The following RYR3 variants were observed in gnomAD, a reference collection of about 807,000 sequenced individuals.
RYR3 encodes brain ryanodine receptor-calcium release channel.
In RYR3, 207 loss-of-function variants were observed where a neutral mutation model predicts 584.3. The ratio of observed to expected loss-of-function variants is 0.35; its 90% confidence interval spans 0.32 to 0.40. The LOEUF is 0.40. Ranked by LOEUF, RYR3 falls within the 10% of genes least tolerant of loss-of-function variation. The pLI is 1.00. For synonymous variants in RYR3, 2,416 were observed against 2,248.5 expected, an observed-to-expected ratio of 1.07 and a Z score of -2.11; for missense variants, 5,616 against 6,089.2, an observed-to-expected ratio of 0.92 and a Z score of 2.59.
At chr15:33,763,087 C>T (rs928642874) in intron 60 of RYR3, among the ~76,000 whole-genome samples, 27 of 152,130 alleles carry the variant, frequency 1.8e-4, no homozygotes, top group African/African-American at 6.5e-4. Flanking sequence ...AAAAGTGGAC[C>T]CCTTCCTTAC....
chr15:33,425,742 T>A (rs184693141), intron 1 of RYR3, among the ~76,000 whole-genome samples: 1 of 150,768 alleles, frequency 6.6e-6, no homozygotes, highest in South Asian at 2.1e-4. Context: ...CCCGGGTTCA[T>A]GCCATTCTCC....
intron 80 of RYR3, among the ~76,000 whole-genome samples, chr15:33,821,981 C>T (rs1172568132): frequency 6.8e-6 from 1 of 147,154 alleles, no homozygotes; most frequent in Non-Finnish European, 1.5e-5. Context: ...TTAAGTGGAA[C>T]TGATAAACTC....
chr15:33,337,462 A>T (rs1384048770), intron 1 of RYR3, among the ~76,000 whole-genome samples: 1 of 152,248 alleles, frequency 6.6e-6, no homozygotes, highest in Admixed American at 6.5e-5. Context: ...AACAGTGGAT[A>T]TAGAAGAAAC....
rs547485012 is a variant in RYR3 at position 33,755,916 on chromosome 15, C to A, written c.8516-390C>A. Reference sequence around the variant, plus strand: ...TCCCAAGTAGCTGGAATTACAGGTGCCCACCACCACGCCTGCCTGGCTAAT... The same window carrying A: ...TCCCAAGTAGCTGGAATTACAGGTGACCACCACCACGCCTGCCTGGCTAAT... On this transcript the variant is annotated intron_variant, in intron 58 of 103. Transcript: ENST00000634891. Among the ~76,000 whole-genome samples the A allele has an allele frequency of 2.0e-5, 3 of 152,150 alleles. No homozygotes were observed. The South Asian group carries it at 6.2e-4, about 32-fold the overall frequency.
intron 95 of RYR3, 105 bp from the exon 96 acceptor site, chr15:33,853,450 C>T (rs1567327526): frequency 5.7e-6 from 8 of 1,392,040 alleles, no homozygotes; most frequent in Non-Finnish European, 7.7e-6. Context: ...TCATCTACCC[C>T]TTGGAAGATT....
intron 5 of RYR3, among the ~76,000 whole-genome samples, chr15:33,535,650 G>T (rs2141099993): frequency 6.6e-6 from 1 of 152,252 alleles, no homozygotes; most frequent in East Asian, 1.9e-4. Context: ...AAAATAACTT[G>T]ATACTTTTTG....
At chr15:33,739,631 G>T (rs1308760653) in intron 50 of RYR3, among the ~76,000 whole-genome samples, 1 of 106,332 alleles carries the variant, frequency 9.4e-6, no homozygotes, top group East Asian at 2.7e-4. Context: ...ATGGTGACTT[G>T]AGGATTTATA....
chr15:33,648,293 C>G (rs1300552223), intron 30 of RYR3, among the ~76,000 whole-genome samples: 10 of 152,162 alleles, frequency 6.6e-5, no homozygotes, highest in African/African-American at 2.4e-4. Context: ...AAGATTCAAG[C>G]CCAGGTTTGT....
intron 1 of RYR3, among the ~76,000 whole-genome samples, chr15:33,324,644 G>T (rs1969445273): frequency 6.6e-6 from 1 of 152,080 alleles, no homozygotes; most frequent in Admixed American, 6.5e-5. Flanking sequence ...TCTTTTCTTT[G>T]CTGTGTTCTT....
At chr15:33,432,668 TTGTGTG>T (rs58292418) in intron 1 of RYR3, among the ~76,000 whole-genome samples, 9 of 132,142 alleles carry the variant, frequency 6.8e-5, no homozygotes, top group South Asian at 5.1e-4. Flanking sequence ...GCCTAGCTAA[TTGTGTG>T]TGTGTGTGTG....
chr15:33,472,582 C>T (rs1478162247), intron 1 of RYR3, among the ~76,000 whole-genome samples: 2 of 152,156 alleles, frequency 1.3e-5, no homozygotes, highest in Non-Finnish European at 2.9e-5. Flanking sequence ...GACTAGGGAG[C>T]ATGGCCTGAC....
Position 33,354,937 on chromosome 15 carries a change from C to A in RYR3, c.51+43841C>A, listed in dbSNP as rs974845968. On this transcript the variant is annotated intron_variant, in intron 1 of 103. Coordinates refer to ENST00000634891, the MANE Select transcript of RYR3 (RefSeq NM_001036.6). ...GTGGCCTCATGCCTGTAATGCTAGCCCTTTGGGAGGCCGAGGCGGGCAGAT... is the reference window on the plus strand; with the variant it reads ...GTGGCCTCATGCCTGTAATGCTAGCACTTTGGGAGGCCGAGGCGGGCAGAT... Among the ~76,000 whole-genome samples the A allele has an allele frequency of 2.0e-5, 3 of 151,994 alleles. No homozygotes were observed. The East Asian group carries it at 5.8e-4, about 29-fold the overall frequency.
Position 33,586,016 on chromosome 15 carries a change from A to C in RYR3, c.1688A>C (p.His563Pro), listed in dbSNP as rs771548354. Reference sequence around the variant, plus strand: ...CATGTAGGTATCTTGGAAGTTTTGCACTGCATCTTAACTGAAAGCCCAGAA... The same window carrying C: ...CATGTAGGTATCTTGGAAGTTTTGCCCTGCATCTTAACTGAAAGCCCAGAA... ...ESSSGILEVL[H>P]CILTESPEAL... The change falls in exon 16 of 104, where the codon CAC becomes CCC. Residue 563 changes from histidine to proline, a missense_variant. Transcript: ENST00000634891. 1 of 1,611,616 alleles carries C rather than the reference A, an allele frequency of 6.2e-7. No homozygotes were observed. Among genetic ancestry groups the C allele is most frequent in the Admixed American group, 1.7e-5 (1 of 60,014 alleles).
chr15:33,737,345 G>A (rs2069582544), intron 49 of RYR3, among the ~76,000 whole-genome samples: 2 of 152,102 alleles, frequency 1.3e-5, no homozygotes, highest in Non-Finnish European at 2.9e-5. Context: ...CCTGGTGGGA[G>A]GACACCAGAA....
In RYR3 at chr15:33,635,598, T is replaced by C. The variant is rs1172921486; in HGVS notation, c.3176-16T>C. 5 of 1,609,026 alleles carry C rather than the reference T, an allele frequency of 3.1e-6. No individual in the cohort carries two copies. The highest frequency in any genetic ancestry group is 4.2e-6 in the Non-Finnish European group (5 of 1,176,562). On this transcript the variant is annotated splice_polypyrimidine_tract_variant and intron_variant, in intron 25 of 103. Coordinates refer to ENST00000634891, the MANE Select transcript of RYR3 (RefSeq NM_001036.6). ...TTCCCTTCCACACCCTCTGTTCGCC[T>C]TTCTTCTCACAATAGCTGACTCGGC...
chr15:33,427,137 G>A (rs2044716610), intron 1 of RYR3, among the ~76,000 whole-genome samples: 1 of 152,212 alleles, frequency 6.6e-6, no homozygotes, highest in Admixed American at 6.5e-5. Flanking sequence ...TGGATACAGG[G>A]ATCCAGGAGG....
chr15:33,743,865 C>T (rs1486865552), intron 52 of RYR3, among the ~76,000 whole-genome samples: 4 of 152,216 alleles, frequency 2.6e-5, no homozygotes, highest in Non-Finnish European at 4.4e-5. Context: ...CATACATATT[C>T]TACCACTGCT....
intron 102 of RYR3, among the ~76,000 whole-genome samples, chr15:33,861,916 C>T (rs1888384177): frequency 6.6e-6 from 1 of 152,032 alleles, no homozygotes; most frequent in African/African-American, 2.4e-5. Flanking sequence ...AGCCACTGTG[C>T]CCAGCCTCAT....
At chr15:33,528,652 G>A (rs1484096687) in intron 3 of RYR3, among the ~76,000 whole-genome samples, 1 of 152,134 alleles carries the variant, frequency 6.6e-6, no homozygotes. Context: ...TGTGAACTTG[G>A]AACTTATATG....
Sources: gnomAD v4.1 joint callset for allele counts (sites outside exome capture counted in the v4.1 genomes callset) on GRCh38, gnomAD v4.1.1 for gene constraint, MANE v1.5 for transcripts, NCBI Gene and HGNC (gene_info 2026-07-23, HGNC 2026-07-21) for gene names.